The following TIAM2 variants were observed in gnomAD, a reference collection of about 807,000 sequenced individuals.
The protein encoded by TIAM2 is TIAM Rac1 associated GEF 2.
TIAM2 carries 80 observed loss-of-function variants against 152.9 expected under a neutral mutation model. The ratio of observed to expected loss-of-function variants is 0.52; its 90% CI spans 0.44 to 0.63. The LOEUF (loss-of-function observed/expected upper bound fraction) is 0.63, where lower values mean the gene tolerates loss of function less well. Ranked by LOEUF, TIAM2 falls within the 30% of genes least tolerant of loss-of-function variation. The probability of loss-of-function intolerance (pLI) is 0.00; values close to 1 mark genes in which losing one functional copy is unlikely to be tolerated. For missense variants in TIAM2, 1,965 were observed against 2,120.1 expected, an observed-to-expected ratio of 0.93 and a Z score of 1.44; for synonymous variants, 804 against 838.0, an observed-to-expected ratio of 0.96 and a Z score of 0.70.
intron 2 of TIAM2, among the ~76,000 whole-genome samples, chr6:155,117,053 A>T (rs904142806): frequency 4.2e-5 from 6 of 141,182 alleles, no homozygotes; most frequent in Middle Eastern, 3.4e-3. Context: ...TGATATATTT[A>T]AAAAAAAAAA....
At chr6:155,233,937 T>C (rs943050017) in intron 15 of TIAM2, among the ~76,000 whole-genome samples, 1 of 149,126 alleles carries the variant, frequency 6.7e-6, no homozygotes, top group Non-Finnish European at 1.5e-5. Context: ...CACTCCAGCC[T>C]GGGTGGCAGA....
At chr6:155,089,235 G>T (rs1343508522) in intron 1 of TIAM2, among the ~76,000 whole-genome samples, 1 of 151,484 alleles carries the variant, frequency 6.6e-6, no homozygotes, top group Admixed American at 6.6e-5. Flanking sequence ...GTGGGGGTGT[G>T]GGGGGATGGA....
chr6:155,070,053 T>A (rs1777802735), intron 1 of TIAM2, among the ~76,000 whole-genome samples: 1 of 149,774 alleles, frequency 6.7e-6, no homozygotes, highest in African/African-American at 2.5e-5. Context: ...ATTACAGGCG[T>A]CTACCACCAC....
intron 15 of TIAM2, among the ~76,000 whole-genome samples, chr6:155,220,573 C>T (rs1215076460): frequency 2.2e-5 from 3 of 139,320 alleles, no homozygotes; most frequent in Non-Finnish European, 1.6e-5. Context: ...ACCAATTGCC[C>T]TTCTTCCCCT....
intron 20 of TIAM2, 62 bp downstream of exon 20, chr6:155,248,241 G>C (rs139875850): frequency 6.5e-7 from 1 of 1,544,942 alleles, no homozygotes; most frequent in East Asian, 2.3e-5. Flanking sequence ...GCTGCCAGCC[G>C]TGCCCTGGGC....
intron 15 of TIAM2, among the ~76,000 whole-genome samples, chr6:155,228,275 C>A (rs1334192673): frequency 6.6e-6 from 1 of 152,140 alleles, no homozygotes; most frequent in African/African-American, 2.4e-5. Context: ...TGGTGGCTAA[C>A]GGAGATTTGT....
chr6:155,042,291 A>G (rs1410177805), intron 1 of TIAM2, among the ~76,000 whole-genome samples: 1 of 150,568 alleles, frequency 6.6e-6, no homozygotes, highest in Non-Finnish European at 1.5e-5. Context: ...GGCCTATGCA[A>G]CTTCCAAAGC....
chr6:155,033,162 T>TA (rs1776856441), intron 1 of TIAM2, among the ~76,000 whole-genome samples: 1 of 152,222 alleles, frequency 6.6e-6, no homozygotes, highest in Non-Finnish European at 1.5e-5. Flanking sequence ...TTTGAGTACA[T>TA]ATGTATTCAC....
chr6:155,134,330 A>G (rs1036817555), intron 4 of TIAM2, among the ~76,000 whole-genome samples: 2 of 152,110 alleles, frequency 1.3e-5, no homozygotes, highest in African/African-American at 4.8e-5. Context: ...TTGGAAATTT[A>G]TTAGAGACTG....
In TIAM2 at chr6:155,190,565, G is replaced by A. The variant is rs183148739; in HGVS notation, c.3064+7065G>A. 4.0e-3 allele frequency among the ~76,000 whole-genome samples: 604 copies of A among 152,302 alleles called. 3 individuals carry two copies. Among genetic ancestry groups the A allele is most frequent in the African/African-American group, 0.014 (563 of 41,552 alleles). On this transcript the variant is annotated intron_variant, in intron 14 of 26. Transcript: ENST00000682666. ...TCAGGAGGAGAGATGTTAAATAAAC[G>A]TTCCCAGCATTTTGAGTAAAAATCA...
At chr6:155,117,511 C>T (rs989087617) in intron 2 of TIAM2, among the ~76,000 whole-genome samples, 3 of 152,198 alleles carry the variant, frequency 2.0e-5, no homozygotes, top group Non-Finnish European at 2.9e-5. Flanking sequence ...GGCGCCATCT[C>T]GGCTCGCTGC....
intron 24 of TIAM2, 98 bp downstream of exon 24, chr6:155,253,151 C>G (rs967310469): frequency 9.7e-7 from 1 of 1,028,798 alleles, no homozygotes; most frequent in East Asian, 2.7e-5. Flanking sequence ...ATTTTTGGTG[C>G]CTTTTATTTT....
chr6:155,248,562 C>T (rs1322134976), intron 20 of TIAM2, among the ~76,000 whole-genome samples: 1 of 152,222 alleles, frequency 6.6e-6, no homozygotes, highest in Non-Finnish European at 1.5e-5. Flanking sequence ...GTGGGGTTCG[C>T]TGCCCGAGCT....
At chr6:155,141,540 A>G (rs994048379) in intron 5 of TIAM2, among the ~76,000 whole-genome samples, 2 of 152,220 alleles carry the variant, frequency 1.3e-5, no homozygotes, top group African/African-American at 4.8e-5. Flanking sequence ...ATGTATAGGT[A>G]TATGAGGGAC....
At chr6:155,076,760 A>C (rs1777969223) in intron 1 of TIAM2, among the ~76,000 whole-genome samples, 1 of 152,016 alleles carries the variant, frequency 6.6e-6, no homozygotes, top group Non-Finnish European at 1.5e-5. Context: ...GTGGCACGTG[A>C]TTGTGGCTCA....
intron 18 of TIAM2, among the ~76,000 whole-genome samples, chr6:155,245,418 G>A (rs1693334005): frequency 6.6e-6 from 1 of 152,214 alleles, no homozygotes; most frequent in Non-Finnish European, 1.5e-5. Flanking sequence ...AGGCTCTGCC[G>A]CTGGAAACTT....
intron 2 of TIAM2, among the ~76,000 whole-genome samples, chr6:155,098,346 G>A (rs1778466416): frequency 6.6e-6 from 1 of 151,928 alleles, no homozygotes; most frequent in Non-Finnish European, 1.5e-5. Flanking sequence ...GTCCTCTTTG[G>A]TTTATTTTAT....
intron 1 of TIAM2, among the ~76,000 whole-genome samples, chr6:155,072,931 T>G (rs946891391): frequency 6.6e-6 from 1 of 152,148 alleles, no homozygotes. Flanking sequence ...TATTTTGGAT[T>G]ATGTGATGAA....
intron 9 of TIAM2, among the ~76,000 whole-genome samples, chr6:155,170,873 T>C (rs998033241): frequency 6.6e-6 from 1 of 152,214 alleles, no homozygotes; most frequent in African/African-American, 2.4e-5. Context: ...TATAGGACAA[T>C]TTTAATGCAG....
Sources: allele counts gnomAD v4.1 joint callset (sites outside exome capture counted in the v4.1 genomes callset), GRCh38; gene constraint gnomAD v4.1.1; transcripts MANE v1.5; gene names NCBI Gene and HGNC (gene_info 2026-07-23, HGNC 2026-07-21).